AGBL1: variants seen among roughly 807,000 people sequenced by gnomAD.
AGBL1 encodes AGBL carboxypeptidase 1.
AGBL1 carries 130 observed loss-of-function variants against 118.9 expected under a neutral mutation model. That is an observed-to-expected ratio of 1.09 (90% confidence interval 0.95 to 1.26). AGBL1 has a LOEUF of 1.26. Among genes scored for constraint, AGBL1 ranks in the 50% most tolerant of loss-of-function variants. The probability of loss-of-function intolerance (pLI) is 0.00; values close to 1 mark genes in which losing one functional copy is unlikely to be tolerated. For synonymous variants in AGBL1, 555 were observed against 478.9 expected (o/e 1.16, Z -2.08); for missense variants, 1,584 against 1,298.1 (o/e 1.22, Z -3.38).
At chr15:86,991,704 T>A (rs577373585) in intron 24 of AGBL1, among the ~76,000 whole-genome samples, 2 of 152,246 alleles carry the variant, frequency 1.3e-5, no homozygotes, top group African/African-American at 4.8e-5. Flanking sequence ...TGCCTGCCTG[T>A]GAGTACTTAT....
chr15:86,682,235 G>A (rs2085973100), intron 22 of AGBL1, among the ~76,000 whole-genome samples: 1 of 152,150 alleles, frequency 6.6e-6, no homozygotes. Context: ...ACCATATCCT[G>A]CTTTAAAACA....
In AGBL1 at chr15:86,209,657, C is replaced by T. The variant is rs187170786; in HGVS notation, c.489-15257C>T. Among the ~76,000 whole-genome samples, 77 of 151,580 alleles carry T rather than the reference C, an allele frequency of 5.1e-4. 2 individuals carry two copies. The highest frequency in any genetic ancestry group is 4.3e-3 in the East Asian group (22 of 5,160). On this transcript the variant is annotated intron_variant, in intron 5 of 22. Transcript: ENST00000614907. ...CAATCCCTGCTTTTTTTTTGCTTTC[C>T]GTTTGCTTGGTAGATCTTCTTCCAT... is the stretch of plus-strand genomic sequence containing the variant.
At chr15:86,752,261 A>G (rs1034403331) in intron 22 of AGBL1, among the ~76,000 whole-genome samples, 4 of 152,104 alleles carry the variant, frequency 2.6e-5, no homozygotes, top group African/African-American at 4.8e-5. Flanking sequence ...CCCAACTGAT[A>G]TATTCCAATC....
intron 1 of AGBL1, chr15:86,105,192 ACT>A (rs1177044282): frequency 6.6e-6 from 1 of 151,410 alleles, no homozygotes. Context: ...CATCTTGAAG[ACT>A]CTCTCTTCCT....
intron 5 of AGBL1, among the ~76,000 whole-genome samples, chr15:86,204,535 T>TTTCTC (rs758949299): frequency 6.6e-6 from 1 of 151,442 alleles, no homozygotes; most frequent in African/African-American, 2.4e-5. Context: ...TCCTTCCTTT[T>TTTCTC]TTCTCTTCTC....
At chr15:86,504,155 A>T (rs2142164951) in intron 18 of AGBL1, among the ~76,000 whole-genome samples, 1 of 151,740 alleles carries the variant, frequency 6.6e-6, no homozygotes, top group South Asian at 2.1e-4. Flanking sequence ...TTAACCCTTT[A>T]TCATTATTTA....
At chr15:86,750,909 C>G (rs1243331790) in intron 22 of AGBL1, among the ~76,000 whole-genome samples, 1 of 152,030 alleles carries the variant, frequency 6.6e-6, no homozygotes, top group Non-Finnish European at 1.5e-5. Context: ...TCTGTTCCTG[C>G]ATTAGTTTGC....
chr15:86,442,483 G>C (rs10438422), intron 18 of AGBL1, among the ~76,000 whole-genome samples: 64 of 152,178 alleles, frequency 4.2e-4, no homozygotes, highest in African/African-American at 1.4e-3. Flanking sequence ...TGTCAACCCC[G>C]GAGCCTGAGT....
intron 21 of AGBL1, among the ~76,000 whole-genome samples, chr15:86,665,003 G>T (rs903192492): frequency 6.6e-6 from 1 of 151,984 alleles, no homozygotes; most frequent in Non-Finnish European, 1.5e-5. Flanking sequence ...CAACCTCATC[G>T]CGCATTTCTA....
At chr15:86,745,297 A>G (rs562094486) in intron 22 of AGBL1, among the ~76,000 whole-genome samples, 7 of 152,230 alleles carry the variant, frequency 4.6e-5, no homozygotes, top group Non-Finnish European at 8.8e-5. Flanking sequence ...TATTATCCCC[A>G]TTTAAAAAAT....
intron 22 of AGBL1, among the ~76,000 whole-genome samples, chr15:86,817,270 A>G (rs1377068288): frequency 6.7e-6 from 1 of 148,358 alleles, no homozygotes; most frequent in Non-Finnish European, 1.5e-5. Context: ...CTAGCCTGGG[A>G]TACAAGAACA....
intron 22 of AGBL1, among the ~76,000 whole-genome samples, chr15:86,809,467 G>T (rs562476188): frequency 6.6e-6 from 1 of 152,152 alleles, no homozygotes; most frequent in Admixed American, 6.6e-5. Context: ...ATCAAACTGT[G>T]TCTGGTATTT....
chr15:86,892,264 A>G (rs1240623153), intron 22 of AGBL1, among the ~76,000 whole-genome samples: 1 of 152,086 alleles, frequency 6.6e-6, no homozygotes, highest in East Asian at 1.9e-4. Flanking sequence ...TCCCCACACT[A>G]TGTAGGGTAC....
chr15:86,632,522 C>G (rs1047704527), intron 21 of AGBL1, among the ~76,000 whole-genome samples: 1 of 152,060 alleles, frequency 6.6e-6, no homozygotes, highest in Admixed American at 6.6e-5. Flanking sequence ...TTTTGTAGAC[C>G]ACTCTACTAT....
At chr15:86,888,108 G>T (rs576875525) in intron 22 of AGBL1, among the ~76,000 whole-genome samples, 2 of 152,140 alleles carry the variant, frequency 1.3e-5, no homozygotes, top group East Asian at 3.9e-4. Context: ...GATTCTTTTC[G>T]TTTGGGCCCA....
chr15:86,563,008 A>T (rs1011333295), intron 21 of AGBL1, among the ~76,000 whole-genome samples: 1 of 151,620 alleles, frequency 6.6e-6, no homozygotes, highest in Non-Finnish European at 1.5e-5. Context: ...ATCATTTTTT[A>T]TTGCGTTTAT....
At chr15:86,792,367 A>T (rs2078506789) in intron 22 of AGBL1, among the ~76,000 whole-genome samples, 1 of 152,168 alleles carries the variant, frequency 6.6e-6, no homozygotes, top group Non-Finnish European at 1.5e-5. Flanking sequence ...ATTCTGATAT[A>T]ACCTGTTCAT....
At chr15:86,859,293 C>T (rs1317735973) in intron 22 of AGBL1, among the ~76,000 whole-genome samples, 1 of 152,172 alleles carries the variant, frequency 6.6e-6, no homozygotes, top group Non-Finnish European at 1.5e-5. Flanking sequence ...GCAGTGATGA[C>T]CTAGACATTC....
intron 17 of AGBL1, among the ~76,000 whole-genome samples, chr15:86,390,408 A>C (rs991062330): frequency 2.6e-5 from 4 of 152,150 alleles, no homozygotes; most frequent in Admixed American, 2.6e-4. Flanking sequence ...ATTGGTGTAT[A>C]TGGGACATTG....
Sources: allele counts gnomAD v4.1 joint callset (sites outside exome capture counted in the v4.1 genomes callset), GRCh38; gene constraint gnomAD v4.1.1; transcripts MANE v1.5; gene names NCBI Gene and HGNC (gene_info 2026-07-23, HGNC 2026-07-21).